Variants in ADAM10 observed in about 807,000 individuals in gnomAD.
ADAM10 encodes the protein disintegrin and metalloproteinase domain-containing protein 10.
A neutral mutation model predicts 90.1 loss-of-function variants in ADAM10; 17 were observed. The observed-to-expected ratio is 0.19, with a 90% CI of 0.13 to 0.28. The LOEUF is 0.28. Among genes scored for constraint, ADAM10 ranks in the 10% least tolerant of loss-of-function variants. The pLI is 1.00. For synonymous variants in ADAM10, 310 were observed against 298.6 expected (o/e 1.04, Z -0.40); for missense variants, 610 against 914.3 (o/e 0.67, Z 4.29).
intron 2 of ADAM10, among the ~76,000 whole-genome samples, chr15:58,713,224 C>G (rs1898534130): frequency 6.6e-6 from 1 of 152,132 alleles, no homozygotes; most frequent in Non-Finnish European, 1.5e-5. Context: ...ACCTCAGCCT[C>G]CCAAGTAGCT....
At chr15:58,671,375 T>C (rs1897186440) in intron 4 of ADAM10, among the ~76,000 whole-genome samples, 1 of 152,224 alleles carries the variant, frequency 6.6e-6, no homozygotes, top group East Asian at 1.9e-4. Context: ...AATGCCTCTT[T>C]AGAAGCAGCT....
rs201412967 is a variant in ADAM10, at chr15:58,682,202, T to C, written c.319A>G (p.Ile107Val). ...CTGTTAAGGTCCAACTTACCATAAA[T>C]ATGTCCAGTGTAAATATGAGAGGTA... ...YDTSHIYTGH[I>V]YGEEGSFSHG... Residue 107 changes from isoleucine to valine, a missense_variant, in exon 3 of 16, where the codon ATT becomes GTT. Transcript: ENST00000260408. 3.1e-6 allele frequency: 5 copies of C among 1,612,276 alleles called. No individual in the cohort carries two copies. The East Asian group carries it at 8.9e-5, about 29-fold the overall frequency.
intron 1 of ADAM10, among the ~76,000 whole-genome samples, chr15:58,742,259 T>C (rs1277895859): frequency 1.3e-5 from 2 of 152,214 alleles, no homozygotes; most frequent in Non-Finnish European, 2.9e-5. Flanking sequence ...GTATGTATGT[T>C]AACCAACTTA....
At chr15:58,745,877 A>G (rs983309734) in intron 1 of ADAM10, among the ~76,000 whole-genome samples, 7 of 152,244 alleles carry the variant, frequency 4.6e-5, no homozygotes, top group Non-Finnish European at 8.8e-5. Context: ...ACAGCCCACT[A>G]GTATCTGGAT....
At chr15:58,745,263 G>A (rs948114432) in intron 1 of ADAM10, among the ~76,000 whole-genome samples, 2 of 152,178 alleles carry the variant, frequency 1.3e-5, no homozygotes, top group Non-Finnish European at 2.9e-5. Context: ...AACAATGTTA[G>A]GAAAATGTAG....
intron 1 of ADAM10, 25 bp downstream of exon 1, chr15:58,749,455 C>G (rs1336303156): frequency 6.6e-7 from 1 of 1,526,588 alleles, no homozygotes; most frequent in Non-Finnish European, 8.8e-7. Flanking sequence ...TCGCGGCGCC[C>G]CCGGCGCTCG....
intron 6 of ADAM10, 43 bp downstream of exon 6, chr15:58,646,012 A>T: frequency 1.2e-6 from 2 of 1,607,640 alleles, no homozygotes. Context: ...AGGCATTATA[A>T]AACAATATGG....
intron 2 of ADAM10, among the ~76,000 whole-genome samples, chr15:58,690,327 G>A (rs1897743953): frequency 6.6e-6 from 1 of 152,080 alleles, no homozygotes; most frequent in African/African-American, 2.4e-5. Flanking sequence ...TTGGGAAGAA[G>A]GTAAAGATAT....
At chr15:58,616,802 G>T (rs1021764680) in intron 11 of ADAM10, among the ~76,000 whole-genome samples, 3 of 152,012 alleles carry the variant, frequency 2.0e-5, no homozygotes, top group Admixed American at 1.3e-4. Context: ...AAACAAAATT[G>T]AGACTAAAAA....
chr15:58,749,343 C>T (rs1899901229), intron 1 of ADAM10, 137 bp downstream of exon 1: 3 of 1,129,796 alleles, frequency 2.7e-6, no homozygotes, highest in South Asian at 8.8e-5. Flanking sequence ...GAGCGGGGAG[C>T]GCGGCCCGCC....
At chr15:58,636,248 G>A (rs943220413) in intron 8 of ADAM10, among the ~76,000 whole-genome samples, 1 of 150,494 alleles carries the variant, frequency 6.6e-6, no homozygotes, top group African/African-American at 2.5e-5. Context: ...CTGCACTCCA[G>A]CCTGAGCAAC....
intron 9 of ADAM10, among the ~76,000 whole-genome samples, chr15:58,628,504 G>A (rs971283687): frequency 5.3e-5 from 8 of 152,152 alleles, no homozygotes; most frequent in African/African-American, 1.4e-4. Flanking sequence ...CTGTGTACAC[G>A]TAACATATAA....
intron 5 of ADAM10, among the ~76,000 whole-genome samples, chr15:58,659,515 A>G (rs1235941214): frequency 6.6e-6 from 1 of 152,156 alleles, no homozygotes; most frequent in Non-Finnish European, 1.5e-5. Flanking sequence ...GGATTACACA[A>G]ATTTTCTAAT....
At chr15:58,705,399 T>A (rs761991116) in intron 2 of ADAM10, among the ~76,000 whole-genome samples, 2 of 152,140 alleles carry the variant, frequency 1.3e-5, no homozygotes, top group Non-Finnish European at 2.9e-5. Flanking sequence ...ATTGGCTAAG[T>A]AGTAAAATTG....
intron 5 of ADAM10, among the ~76,000 whole-genome samples, chr15:58,659,790 G>A (rs1896924871): frequency 6.6e-6 from 1 of 152,088 alleles, no homozygotes; most frequent in African/African-American, 2.4e-5. Context: ...GTGCAGTGGT[G>A]CAATCTCGGC....
chr15:58,706,878 G>A (rs144221423), intron 2 of ADAM10, among the ~76,000 whole-genome samples: 67 of 151,804 alleles, frequency 4.4e-4, no homozygotes, highest in African/African-American at 1.4e-3. Context: ...GCATGGTGGC[G>A]TGCATATGTA....
intron 8 of ADAM10, among the ~76,000 whole-genome samples, chr15:58,634,990 T>A (rs1407995139): frequency 6.6e-6 from 1 of 151,890 alleles, no homozygotes; most frequent in East Asian, 1.9e-4. Flanking sequence ...ATAATAAATA[T>A]ATGGCAACAA....
rs561760137 is a variant in ADAM10, at chr15:58,596,089, A to T, written c.*1458T>A. The T allele has an allele frequency of 7.3e-6, 1 of 137,836 alleles. No individual in the cohort carries two copies. Among genetic ancestry groups the T allele is most frequent in the East Asian group, 2.2e-4 (1 of 4,450 alleles). The allele number at this position is 137,836 out of a possible 1,614,324, so 8.5% of individuals were successfully genotyped here. On this transcript the variant is annotated 3_prime_UTR_variant, in exon 16 of 16. Transcript: ENST00000260408. The stretch of plus-strand genomic sequence containing the variant: ...GATTGTGTAAACCTTATACTCTTAA[A>T]AAAAAAAAGGAAAAAAAAAAACCCA...
At chr15:58,716,206 T>C (rs1227268773) in intron 2 of ADAM10, among the ~76,000 whole-genome samples, 9 of 152,236 alleles carry the variant, frequency 5.9e-5, no homozygotes, top group Non-Finnish European at 7.3e-5. Context: ...CCTAATTATC[T>C]GATTTTTCAT....
Sources: allele counts gnomAD v4.1 joint callset (sites outside exome capture counted in the v4.1 genomes callset), GRCh38; gene constraint gnomAD v4.1.1; transcripts MANE v1.5; gene names NCBI Gene and HGNC (gene_info 2026-07-23, HGNC 2026-07-21).